The following NRXN3 variants were observed in gnomAD, a reference collection of about 807,000 sequenced individuals.
NRXN3 encodes neurexin III.
In NRXN3, 32 loss-of-function variants were observed where a neutral mutation model predicts 137.6. The observed-to-expected ratio is 0.23, with a 90% CI of 0.18 to 0.31. The LOEUF (loss-of-function observed/expected upper bound fraction) is 0.31. Among genes scored for constraint, NRXN3 ranks in the 10% least tolerant of loss-of-function variants. The pLI is 1.00. For missense variants in NRXN3, 1,574 were observed against 2,062.5 expected, an observed-to-expected ratio of 0.76 and a Z score of 4.59; for synonymous variants, 798 against 784.5, an observed-to-expected ratio of 1.02 and a Z score of -0.29.
At chr14:78,400,804 T>C (rs1045389897) in intron 4 of NRXN3, among the ~76,000 whole-genome samples, 4 of 152,186 alleles carry the variant, frequency 2.6e-5, no homozygotes, top group Non-Finnish European at 5.9e-5. Flanking sequence ...TTACCAGTGA[T>C]AGATTATCAT....
chr14:78,931,727 C>T (rs748101462), intron 10 of NRXN3, among the ~76,000 whole-genome samples: 13 of 152,092 alleles, frequency 8.5e-5, no homozygotes, highest in Non-Finnish European at 1.8e-4. Flanking sequence ...CCCAAAAGAT[C>T]TGGGGTTGAG....
intron 19 of NRXN3, among the ~76,000 whole-genome samples, chr14:79,784,967 A>T (rs533016180): frequency 3.8e-4 from 58 of 152,204 alleles, no homozygotes; most frequent in African/African-American, 1.4e-3. Flanking sequence ...CTGCAGGATG[A>T]ATTTCAAAAC....
Position 79,862,494 on chromosome 14 carries a change from A to C in NRXN3, c.*530A>C, listed in dbSNP as rs1243271285. ...ACCAAAAAACAAAAACAAACAAAAA[A>C]AAAAACCCACAACCCTTATCTGGTT... is the stretch of plus-strand genomic sequence containing the variant. On this transcript the variant is annotated 3_prime_UTR_variant, in exon 21 of 21. Transcript: ENST00000335750. The C allele has an allele frequency of 6.6e-6, 1 of 152,630 alleles. No homozygotes were observed. The highest frequency in any genetic ancestry group is 1.5e-5 in the Non-Finnish European group (1 of 68,126). The allele number at this position is 152,630 out of a possible 1,614,324, so 9.5% of individuals were successfully genotyped here.
rs184271252 is a variant in NRXN3 at position 78,352,342 on chromosome 14, T to C, written c.757+54482T>C. ...TTTCACTATGTTCCCAGCTCCTCTA[T>C]ATGTCCTTATCTCTGGAAGGTCTCT... On this transcript the variant is annotated intron_variant, in intron 4 of 20. Coordinates refer to ENST00000335750, the MANE Select transcript of NRXN3 (RefSeq NM_001330195.2). Among the ~76,000 whole-genome samples, 4 of 152,332 alleles carry C rather than the reference T, an allele frequency of 2.6e-5. No individual in the cohort carries two copies. In the East Asian group the frequency reaches 7.7e-4, roughly 29 times the overall value.
At chr14:79,608,544 G>A (rs1172644734) in intron 16 of NRXN3, among the ~76,000 whole-genome samples, 1 of 152,154 alleles carries the variant, frequency 6.6e-6, no homozygotes, top group Non-Finnish European at 1.5e-5. Context: ...ACCATTTTTA[G>A]TAGGGATAAG....
intron 19 of NRXN3, among the ~76,000 whole-genome samples, chr14:79,784,335 C>T (rs992721379): frequency 6.6e-6 from 1 of 152,154 alleles, no homozygotes; most frequent in Admixed American, 6.5e-5. Context: ...TACCTTTTAC[C>T]TCTGAAGATT....
intron 6 of NRXN3, among the ~76,000 whole-genome samples, chr14:78,705,611 G>A (rs562788015): frequency 3.9e-5 from 6 of 152,310 alleles, no homozygotes; most frequent in Middle Eastern, 3.4e-3. Context: ...TGCCGGTTTA[G>A]AATTGTCTGT....
intron 20 of NRXN3, among the ~76,000 whole-genome samples, chr14:79,845,265 G>C (rs997257536): frequency 6.6e-6 from 1 of 151,880 alleles, no homozygotes; most frequent in Non-Finnish European, 1.5e-5. Context: ...CTTATCATTC[G>C]GGTATTTACT....
At chr14:78,284,247 T>C (rs1278554542) in intron 3 of NRXN3, among the ~76,000 whole-genome samples, 3 of 152,218 alleles carry the variant, frequency 2.0e-5, no homozygotes, top group Admixed American at 2.0e-4. Flanking sequence ...TTGGAAAGGC[T>C]AATCAGAAAC....
At chr14:79,728,321 G>A (rs1234515526) in intron 19 of NRXN3, among the ~76,000 whole-genome samples, 1 of 152,178 alleles carries the variant, frequency 6.6e-6, no homozygotes, top group Admixed American at 6.6e-5. Context: ...AAGGTAAGAG[G>A]TAGCTCCAGC....
chr14:79,762,654 T>C (rs1217670940), intron 19 of NRXN3, among the ~76,000 whole-genome samples: 2 of 151,674 alleles, frequency 1.3e-5, no homozygotes, highest in Admixed American at 6.6e-5. Flanking sequence ...GATCTAATAA[T>C]AGAACTGGCC....
At chr14:78,647,397 C>T (rs1566967511) in intron 5 of NRXN3, among the ~76,000 whole-genome samples, 1 of 152,210 alleles carries the variant, frequency 6.6e-6, no homozygotes, top group Non-Finnish European at 1.5e-5. Context: ...TTACAATCTT[C>T]CGCAGCCATG....
chr14:78,738,751 T>C (rs1208983088), intron 8 of NRXN3, among the ~76,000 whole-genome samples: 1 of 152,150 alleles, frequency 6.6e-6, no homozygotes, highest in Non-Finnish European at 1.5e-5. Context: ...ATTTTGCTTT[T>C]CATTTTAACA....
chr14:79,613,694 T>C (rs993285419), intron 16 of NRXN3, among the ~76,000 whole-genome samples: 3 of 152,210 alleles, frequency 2.0e-5, no homozygotes, highest in Non-Finnish European at 4.4e-5. Flanking sequence ...CACACATACT[T>C]ACTTATTTCA....
At chr14:78,678,162 A>G (rs2152734069) in intron 6 of NRXN3, among the ~76,000 whole-genome samples, 1 of 152,274 alleles carries the variant, frequency 6.6e-6, no homozygotes, top group African/African-American at 2.4e-5. Context: ...CTTAAGCAAT[A>G]TATATTACAC....
At chr14:79,362,380 AG>A (rs2093716634) in intron 15 of NRXN3, among the ~76,000 whole-genome samples, 1 of 150,770 alleles carries the variant, frequency 6.6e-6, no homozygotes, top group South Asian at 2.1e-4. Flanking sequence ...AGTTATGTTG[AG>A]GGTCATTCAT....
intron 16 of NRXN3, among the ~76,000 whole-genome samples, chr14:79,605,413 G>C (rs2543574): frequency 0.49 from 73,784 of 152,000 alleles, 20,048 homozygotes; most frequent in African/African-American, 0.74. Flanking sequence ...GTCTTAGGGT[G>C]TGGATGGGAT....
At chr14:79,660,771 C>T (rs896721958) in intron 16 of NRXN3, among the ~76,000 whole-genome samples, 1 of 152,072 alleles carries the variant, frequency 6.6e-6, no homozygotes, top group African/African-American at 2.4e-5. Flanking sequence ...TTCCATGCAT[C>T]CAGGATTTAT....
chr14:78,546,999 T>C (rs1451929426), intron 4 of NRXN3, among the ~76,000 whole-genome samples: 2 of 152,150 alleles, frequency 1.3e-5, no homozygotes, highest in African/African-American at 4.8e-5. Context: ...CCAGGACTAT[T>C]TATGAAAAAA....
Sources: gnomAD v4.1 joint callset for allele counts (sites outside exome capture counted in the v4.1 genomes callset) on GRCh38, gnomAD v4.1.1 for gene constraint, MANE v1.5 for transcripts, NCBI Gene and HGNC (gene_info 2026-07-23, HGNC 2026-07-21) for gene names.